Variants in SPATA13 observed in about 807,000 individuals in gnomAD.
The protein encoded by SPATA13 is spermatogenesis-associated protein 13.
SPATA13 carries 50 observed loss-of-function variants against 104.0 expected under a neutral mutation model. The observed-to-expected ratio is 0.48, with a 90% confidence interval of 0.38 to 0.61. The LOEUF (loss-of-function observed/expected upper bound fraction) is 0.61. SPATA13 is among the 20% of genes least tolerant of loss of function. The pLI, the probability that SPATA13 is intolerant of heterozygous loss-of-function variation, is 0.00. For synonymous variants in SPATA13, 606 were observed against 667.5 expected, an observed-to-expected ratio of 0.91 and a Z score of 1.42; for missense variants, 1,524 against 1,690.6, an observed-to-expected ratio of 0.90 and a Z score of 1.73.
intron 4 of SPATA13, among the ~76,000 whole-genome samples, chr13:24,275,020 C>A (rs575685631): frequency 4.0e-4 from 61 of 152,312 alleles, no homozygotes; most frequent in African/African-American, 1.4e-3. Context: ...ACCAGGACTA[C>A]CCTCCCCCAC....
intron 3 of SPATA13, among the ~76,000 whole-genome samples, chr13:24,055,795 G>A (rs1333062531): frequency 1.3e-5 from 2 of 152,220 alleles, no homozygotes; most frequent in African/African-American, 2.4e-5. Flanking sequence ...ATTCTTGGAT[G>A]TCCTAATTCT....
intron 4 of SPATA13, among the ~76,000 whole-genome samples, chr13:24,261,330 C>G (rs1243695074): frequency 3.3e-5 from 5 of 152,144 alleles, no homozygotes; most frequent in African/African-American, 7.2e-5. Context: ...AGGAGAAGAG[C>G]ATGTTGGTCA....
chr13:23,984,027 C>A, intron 2 of SPATA13: 1 of 867,450 alleles, frequency 1.2e-6, no homozygotes, highest in Non-Finnish European at 1.4e-6. Context: ...TTGTGAAGGG[C>A]AGCCAGTAGA....
intron 3 of SPATA13, among the ~76,000 whole-genome samples, chr13:24,142,795 A>G (rs930021857): frequency 1.3e-5 from 2 of 152,022 alleles, no homozygotes; most frequent in Non-Finnish European, 2.9e-5. Context: ...AGGTCACTCA[A>G]AAAGCTTAGG....
intron 10 of SPATA13, 26 bp from the exon 11 acceptor site, chr13:24,297,337 C>G: frequency 6.3e-7 from 1 of 1,588,026 alleles, no homozygotes; most frequent in Admixed American, 1.7e-5. Flanking sequence ...ATTGGAAGGT[C>G]TTAAGATGTG....
At chr13:24,115,344 G>A (rs1255828396) in intron 3 of SPATA13, among the ~76,000 whole-genome samples, 1 of 152,180 alleles carries the variant, frequency 6.6e-6, no homozygotes, top group Non-Finnish European at 1.5e-5. Flanking sequence ...CCCACAGACT[G>A]GCACTGGTCC....
At chr13:24,078,840 G>C (rs1374444873) in intron 3 of SPATA13, among the ~76,000 whole-genome samples, 1 of 152,114 alleles carries the variant, frequency 6.6e-6, no homozygotes, top group Non-Finnish European at 1.5e-5. Context: ...CCCCCATTCA[G>C]TCAATGACTA....
chr13:24,141,801 T>G (rs1328543235), intron 3 of SPATA13, among the ~76,000 whole-genome samples: 4 of 152,206 alleles, frequency 2.6e-5, no homozygotes, highest in African/African-American at 9.7e-5. Flanking sequence ...ACGTTGTTAT[T>G]TTTTCTAATT....
At chr13:24,270,031 A>G (rs1345898185) in intron 4 of SPATA13, among the ~76,000 whole-genome samples, 1 of 151,986 alleles carries the variant, frequency 6.6e-6, no homozygotes, top group African/African-American at 2.4e-5. Flanking sequence ...TTAAACCCAC[A>G]TTTACTAAGA....
At chr13:24,201,059 A>G (rs1332982539) in intron 1 of SPATA13, among the ~76,000 whole-genome samples, 1 of 103,598 alleles carries the variant, frequency 9.7e-6, no homozygotes, top group Non-Finnish European at 2.3e-5. Flanking sequence ...ACACACACAC[A>G]CACACACAGA....
chr13:24,078,632 G>A, intron 3 of SPATA13, among the ~76,000 whole-genome samples: 1 of 152,302 alleles, frequency 6.6e-6, no homozygotes, highest in East Asian at 1.9e-4. Context: ...GTTACTCTCA[G>A]TCTAGATCTC....
At chr13:24,035,756 G>A (rs1375541274) in intron 3 of SPATA13, among the ~76,000 whole-genome samples, 1 of 152,136 alleles carries the variant, frequency 6.6e-6, no homozygotes, top group Non-Finnish European at 1.5e-5. Flanking sequence ...GCGCACACCT[G>A]TTCTCCCAGC....
At chr13:24,089,891 C>T (rs1879858163) in intron 3 of SPATA13, among the ~76,000 whole-genome samples, 1 of 152,160 alleles carries the variant, frequency 6.6e-6, no homozygotes, top group African/African-American at 2.4e-5. Context: ...AAGATGATGT[C>T]CTGCCGCTCT....
intron 4 of SPATA13, among the ~76,000 whole-genome samples, chr13:24,256,643 G>C (rs371879099): frequency 6.6e-6 from 1 of 151,962 alleles, no homozygotes; most frequent in African/African-American, 2.4e-5. Context: ...TGGCAGCGCC[G>C]TGCTGTGCTC....
chr13:24,190,358 T>TAATATATATATATATAA lies in SPATA13; in HGVS notation c.-112+29426_-112+29427insAATATATATATATATAA, dbSNP rs1869646597. Among the ~76,000 whole-genome samples, 2 of 71,966 alleles carry TAATATATATATATATAA rather than the reference T, an allele frequency of 2.8e-5. 1 individual carries two copies. Among genetic ancestry groups the TAATATATATATATATAA allele is most frequent in the Non-Finnish European group, 5.5e-5 (2 of 36,472 alleles). The allele number at this position is 71,966 out of a possible 152,430, so 47.2% of individuals were successfully genotyped here. A position where few individuals can be genotyped will look rare whatever the true frequency, so the allele number is the denominator to read the frequency against. Reference sequence around the variant, plus strand: ...TATATATAATATATAATATTATATATTATTATATATAATATATAATATTAT... The same window carrying TAATATATATATATATAA: ...TATATATAATATATAATATTATATATAATATATATATATATAATATTATATATAATATATAATATTAT... On this transcript the variant is annotated intron_variant, in intron 1 of 12. Transcript: ENST00000382108.
intron 2 of SPATA13, among the ~76,000 whole-genome samples, chr13:24,247,188 G>C (rs1426793295): frequency 1.3e-5 from 2 of 152,158 alleles, no homozygotes; most frequent in Non-Finnish European, 2.9e-5. Context: ...AGTGGAGAGA[G>C]AATTAAAGGT....
intron 3 of SPATA13, among the ~76,000 whole-genome samples, chr13:24,037,189 A>ACT (rs1347890966): frequency 8.2e-6 from 1 of 121,612 alleles, no homozygotes; most frequent in East Asian, 2.5e-4. Context: ...AACATCACAC[A>ACT]TCGGGGCCTG....
intron 4 of SPATA13, among the ~76,000 whole-genome samples, chr13:24,272,488 G>A (rs1193017430): frequency 6.6e-6 from 1 of 152,170 alleles, no homozygotes; most frequent in African/African-American, 2.4e-5. Flanking sequence ...AATAAAGCTT[G>A]CCTATGGTGG....
Position 24,297,434 on chromosome 13 carries a change from C to T in SPATA13, c.3282C>T (p.Gly1094=), listed in dbSNP as rs752866253. The T allele has an allele frequency of 8.7e-6, 14 of 1,614,146 alleles. No homozygotes were observed. The highest frequency in any genetic ancestry group is 1.1e-5 in the Non-Finnish European group (13 of 1,180,028). Residue 1094 remains glycine (G), a synonymous_variant, in exon 11 of 13, where the codon GGC becomes GGT. Coordinates refer to ENST00000382108, the MANE Select transcript of SPATA13 (RefSeq NM_001166271.3). ...AGCTGACCAAAATCACTAAGCAAGGCAAAAGCCAGCAGCGGACGTTCTTCC... is the reference window on the plus strand; with the variant it reads ...AGCTGACCAAAATCACTAAGCAAGGTAAAAGCCAGCAGCGGACGTTCTTCC... ...SGELTKITKQ[G]KSQQRTFFLF... is the part of the protein sequence containing the mutation.
Sources: gnomAD v4.1 joint callset for allele counts (sites outside exome capture counted in the v4.1 genomes callset) on GRCh38, gnomAD v4.1.1 for gene constraint, MANE v1.5 for transcripts, NCBI Gene and HGNC (gene_info 2026-07-23, HGNC 2026-07-21) for gene names.